The following COL18A1 variants were observed in gnomAD, a reference collection of about 807,000 sequenced individuals.
The protein encoded by COL18A1 is collagen type XVIII alpha 1 chain.
COL18A1 carries 133 observed loss-of-function variants against 168.0 expected under a neutral mutation model. That is an observed-to-expected ratio of 0.79 (90% CI 0.69 to 0.91). The LOEUF is 0.91. Among genes scored for constraint, COL18A1 ranks in the 40% least tolerant of loss-of-function variants. The probability of loss-of-function intolerance (pLI) is 0.00; values close to 1 mark genes in which losing one functional copy is unlikely to be tolerated. For missense variants in COL18A1, 2,126 were observed against 1,925.4 expected, an observed-to-expected ratio of 1.10 and a Z score of -1.95; for synonymous variants, 949 against 809.0, an observed-to-expected ratio of 1.17 and a Z score of -2.94.
chr21:45,477,367 C>T (rs2035714018), intron 6 of COL18A1, 44 bp from the exon 7 acceptor site: 1 of 1,549,830 alleles, frequency 6.5e-7, no homozygotes, highest in Non-Finnish European at 8.8e-7. Context: ...GAGCTGGGGC[C>T]ACCCGGGGGG....
At position 45,459,656 on chromosome 21, in the gene COL18A1, G is replaced by A. The variant is rs564482680; in HGVS notation, c.107-8586G>A. 3.8e-4 allele frequency among the ~76,000 whole-genome samples: 58 copies of A among 152,220 alleles called. 1 individual carries two copies. The highest frequency in any genetic ancestry group is 1.5e-5 in the Non-Finnish European group (1 of 68,026). ...GCACACAAGCAGGGACCCTGTGGAGGGTTTTGCTGTGTTGTGGGCTTGTCC... is the reference window on the plus strand; with the variant it reads ...GCACACAAGCAGGGACCCTGTGGAGAGTTTTGCTGTGTTGTGGGCTTGTCC... On this transcript the variant is annotated intron_variant, in intron 2 of 41. Coordinates refer to ENST00000651438, the MANE Select transcript of COL18A1 (RefSeq NM_001379500.1).
rs768016963 is a variant in COL18A1, at chr21:45,476,376, C to A, written c.824C>A (p.Pro275His). The part of the protein sequence containing the change: ...ETGAALKPRL[P>H]APPPVTTPPL... The stretch of plus-strand genomic sequence containing the variant: ...GGCGCGGCCCTAAAACCCAGGCTCC[C>A]CGCGCCACCCCCCGTCACCACGCCA... Residue 275 changes from proline (P) to histidine (H), a missense_variant, in exon 6 of 42, where the codon CCC (proline) becomes CAC (histidine). Physicochemically the swap from Pro to His is moderately conservative, Grantham distance 77 (BLOSUM62 -2). Coordinates refer to ENST00000651438, the MANE Select transcript of COL18A1 (RefSeq NM_001379500.1). The A allele has an allele frequency of 6.2e-7, 1 of 1,614,110 alleles. No homozygotes were observed. Among genetic ancestry groups the A allele is most frequent in the Non-Finnish European group, 8.5e-7 (1 of 1,180,012 alleles).
intron 25 of COL18A1, 75 bp downstream of exon 25, chr21:45,493,300 G>A: frequency 2.0e-6 from 3 of 1,495,180 alleles, no homozygotes; most frequent in Non-Finnish European, 2.7e-6. Flanking sequence ...GATGACCACT[G>A]TTGGGAGGGA....
intron 2 of COL18A1, among the ~76,000 whole-genome samples, chr21:45,436,788 C>T (rs2034113334): frequency 6.8e-6 from 1 of 147,408 alleles, no homozygotes; most frequent in Non-Finnish European, 1.5e-5. Context: ...GGCGGGGAAG[C>T]TGTGGAGGGA....
rs2034759090 is a variant in COL18A1, at chr21:45,455,401, GGGGT to G, written c.107-12838_107-12835del. The G allele has an allele frequency of 3.8e-6, 5 of 1,309,162 alleles. No homozygotes were observed. In the East Asian group the frequency reaches 1.2e-4, roughly 31 times the overall value. The allele number at this position is 1,309,162 out of a possible 1,614,324, so 81.1% of individuals were successfully genotyped here. A position where few individuals can be genotyped will look rare whatever the true frequency, so the allele number is the denominator to read the frequency against. On this transcript the variant is annotated intron_variant, in intron 2 of 41. Coordinates refer to ENST00000651438, the MANE Select transcript of COL18A1 (RefSeq NM_001379500.1). ...GCCTTCTTTCCTTCTGCAAGAGTGGGGGGTGGAAGACAGCCGGCCAGAGGCTGGG... is the reference window on the plus strand; with the variant it reads ...GCCTTCTTTCCTTCTGCAAGAGTGGGGGAAGACAGCCGGCCAGAGGCTGGG...
chr21:45,443,540 T>G lies in COL18A1; in HGVS notation c.107-24702T>G, dbSNP rs1034274538. Among the ~76,000 whole-genome samples the G allele has an allele frequency of 6.6e-6, 1 of 152,100 alleles. No homozygotes were observed. Among genetic ancestry groups the G allele is most frequent in the Non-Finnish European group, 1.5e-5 (1 of 67,982 alleles). ...TCGGCCAAGGGCTCCCTCCTTGCAC[T>G]GTGGTCTCTCGGGACCTAGGAGGTC... On this transcript the variant is annotated intron_variant, in intron 2 of 41. Transcript: ENST00000651438. The surrounding 1 kb of genome is among the most constrained non-coding windows in gnomAD (Gnocchi z 5.2).
chr21:45,432,797 C>G (rs1216719164), intron 2 of COL18A1, among the ~76,000 whole-genome samples: 1 of 152,192 alleles, frequency 6.6e-6, no homozygotes, highest in Non-Finnish European at 1.5e-5. Flanking sequence ...GCAGGCTGTC[C>G]TACAGCAAAA....
chr21:45,495,334 C>T, intron 28 of COL18A1, 24 bp from the exon 29 acceptor site: 1 of 1,589,928 alleles, frequency 6.3e-7, no homozygotes, highest in Non-Finnish European at 8.6e-7. Context: ...CCCAGCAGTC[C>T]CCACCCCCTG....
In COL18A1 at chr21:45,471,791, C is replaced by T. The variant is rs1301199323; in HGVS notation, c.652-2104C>T. Among the ~76,000 whole-genome samples, 2 of 152,066 alleles carry T rather than the reference C, an allele frequency of 1.3e-5. No homozygotes were observed. The highest frequency in any genetic ancestry group is 4.8e-5 in the African/African-American group (2 of 41,378). ...GATTTCCAGGGCGCTGAGGCTGCAG[C>T]GTGTCGGGAAGCATTTTACATGCTC... is the stretch of plus-strand genomic sequence containing the variant. On this transcript the variant is annotated intron_variant, in intron 3 of 41. Transcript: ENST00000651438. The surrounding 1 kb of genome is among the most constrained non-coding windows in gnomAD (Gnocchi z 4.4).
rs1447414889 is a variant in COL18A1, at chr21:45,473,650, C to T, written c.652-245C>T. Reference sequence around the variant, plus strand: ...ATCAGCTGCCTCAGATGAGCCAAGTCTGAGGGAGCAGCCTCCGCCCAGCCG... The same window carrying T: ...ATCAGCTGCCTCAGATGAGCCAAGTTTGAGGGAGCAGCCTCCGCCCAGCCG... On this transcript the variant is annotated intron_variant, in intron 3 of 41. Coordinates refer to ENST00000651438, the MANE Select transcript of COL18A1 (RefSeq NM_001379500.1). The surrounding 1 kb of genome is among the most constrained non-coding windows in gnomAD (Gnocchi z 4.0). 6.6e-6 allele frequency among the ~76,000 whole-genome samples: 1 copy of T among 152,186 alleles called. No individual in the cohort carries two copies. The highest frequency in any genetic ancestry group is 1.5e-5 in the Non-Finnish European group (1 of 68,034).
chr21:45,414,913 G>T (rs2033399239), intron 2 of COL18A1, among the ~76,000 whole-genome samples: 1 of 152,120 alleles, frequency 6.6e-6, no homozygotes, highest in South Asian at 2.1e-4. Context: ...CATTACGAGG[G>T]TCCTTATAGA....
In COL18A1 at chr21:45,509,453, G is replaced by A; in HGVS notation, c.3347G>A (p.Trp1116Ter). 6.5e-7 allele frequency: 1 copy of A among 1,534,494 alleles called. No individual in the cohort carries two copies. Among genetic ancestry groups the A allele is most frequent in the East Asian group, 2.4e-5 (1 of 40,976 alleles). Residue 1116 changes from tryptophan to a stop codon, truncating the protein, a stop_gained, in exon 39 of 42, where the codon TGG becomes TAG. Transcript: ENST00000651438. LOFTEE classifies it high-confidence loss of function. The stretch of plus-strand genomic sequence containing the variant: ...CACCCCCACCCCACCGCGCGGCCCT[G>A]GCGGGCAGATGACATCCTGGCCAGC... ...REHPHPTARP[W>*]RADDILASPP...
chr21:45,439,280 C>A (rs929742906), intron 2 of COL18A1, among the ~76,000 whole-genome samples: 1 of 152,214 alleles, frequency 6.6e-6, no homozygotes, highest in Non-Finnish European at 1.5e-5. Context: ...GCCCGAGTGG[C>A]CGTGGTCCAG....
At position 45,423,415 on chromosome 21, in the gene COL18A1, G is replaced by A. The variant is rs1021627954; in HGVS notation, c.106+17942G>A. On this transcript the variant is annotated intron_variant, in intron 2 of 41. Transcript: ENST00000651438. This position sits in a 1 kb window ranked among gnomAD's most constrained non-coding sequence, Gnocchi z 4.0. Reference sequence around the variant, plus strand: ...TTCAGTGATTTGCAGAGAGAAAGGCGTGGAGCTCCACAAGCACCTCGGACG... The same window carrying A: ...TTCAGTGATTTGCAGAGAGAAAGGCATGGAGCTCCACAAGCACCTCGGACG... Among the ~76,000 whole-genome samples the A allele has an allele frequency of 3.3e-5, 5 of 152,192 alleles. No individual in the cohort carries two copies. Among genetic ancestry groups the A allele is most frequent in the Non-Finnish European group, 7.3e-5 (5 of 68,040 alleles).
Position 45,494,928 on chromosome 21 carries a change from G to C in COL18A1, c.2433+13G>C, listed in dbSNP as rs1286238313. The C allele has an allele frequency of 6.2e-7, 1 of 1,608,070 alleles. No individual in the cohort carries two copies. Among genetic ancestry groups the C allele is most frequent in the Non-Finnish European group, 8.5e-7 (1 of 1,177,562 alleles). ...TCCTGGACGGCCGGTGAGGACCTGGGGTCTCCAGTGGGGGCGGCAGATGGG... is the reference window on the plus strand; with the variant it reads ...TCCTGGACGGCCGGTGAGGACCTGGCGTCTCCAGTGGGGGCGGCAGATGGG... On this transcript the variant is annotated intron_variant, in intron 28 of 41. Coordinates refer to ENST00000651438, the MANE Select transcript of COL18A1 (RefSeq NM_001379500.1).
rs549329739 is a variant in COL18A1 at position 45,473,666 on chromosome 21, C to T, written c.652-229C>T. 2.6e-5 allele frequency among the ~76,000 whole-genome samples: 4 copies of T among 152,268 alleles called. No individual in the cohort carries two copies. Among genetic ancestry groups the T allele is most frequent in the South Asian group, 2.1e-4 (1 of 4,828 alleles). ...GAGCCAAGTCTGAGGGAGCAGCCTCCGCCCAGCCGGGTGCTTTCCACATGA... is the reference window on the plus strand; with the variant it reads ...GAGCCAAGTCTGAGGGAGCAGCCTCTGCCCAGCCGGGTGCTTTCCACATGA... On this transcript the variant is annotated intron_variant, in intron 3 of 41. Transcript: ENST00000651438. This position sits in a 1 kb window ranked among gnomAD's most constrained non-coding sequence, Gnocchi z 4.0.
At chr21:45,427,887 G>C (rs1236907939) in intron 2 of COL18A1, among the ~76,000 whole-genome samples, 2 of 152,186 alleles carry the variant, frequency 1.3e-5, no homozygotes, top group Non-Finnish European at 2.9e-5. Flanking sequence ...AATGAGCCCA[G>C]GTGACTCATA....
chr21:45,485,486 A>C (rs1041995983), intron 15 of COL18A1, among the ~76,000 whole-genome samples: 4 of 145,962 alleles, frequency 2.7e-5, no homozygotes, highest in Non-Finnish European at 4.5e-5. Context: ...ACAGAGCGAG[A>C]CCCTGTGTCC....
At chr21:45,454,749 T>A (rs1036855931) in intron 2 of COL18A1, among the ~76,000 whole-genome samples, 6 of 152,212 alleles carry the variant, frequency 3.9e-5, no homozygotes, top group Non-Finnish European at 5.9e-5. Context: ...GCCACTCACA[T>A]CCCTGTGGGT....
Sources: allele counts gnomAD v4.1 joint callset (sites outside exome capture counted in the v4.1 genomes callset), GRCh38; gene constraint gnomAD v4.1.1; non-coding constraint Gnocchi (gnomAD v3.1); transcripts MANE v1.5; gene names NCBI Gene and HGNC (gene_info 2026-07-23, HGNC 2026-07-21).